DCHS2: variants seen among roughly 807,000 people sequenced by gnomAD.
The protein encoded by DCHS2 is protocadherin-23.
In DCHS2, 142 loss-of-function variants were observed where a neutral mutation model predicts 182.4. The observed-to-expected ratio is 0.78, with a 90% CI of 0.68 to 0.89. DCHS2 has a LOEUF of 0.89. Among genes scored for constraint, DCHS2 ranks in the 40% least tolerant of loss-of-function variants. DCHS2 has a pLI of 0.00. For synonymous variants in DCHS2, 1,740 were observed against 1,663.3 expected (o/e 1.05, Z -1.12); for missense variants, 4,319 against 4,198.6 (o/e 1.03, Z -0.79).
chr4:154,489,106 A>G (rs1453334860), intron 1 of DCHS2, among the ~76,000 whole-genome samples, 198 bp downstream of exon 1: 2 of 129,624 alleles, frequency 1.5e-5, no homozygotes, highest in African/African-American at 2.8e-5. Flanking sequence ...CTTAGAGATC[A>G]TGTAGCCAAG....
chr4:154,244,496 G>A (rs1179408489), intron 16 of DCHS2, among the ~76,000 whole-genome samples: 1 of 152,182 alleles, frequency 6.6e-6, no homozygotes, highest in Non-Finnish European at 1.5e-5. Flanking sequence ...TTCAGAAGTG[G>A]AATTAGTCTC....
chr4:154,267,452 A>C (rs547140642), intron 14 of DCHS2, among the ~76,000 whole-genome samples: 24 of 152,234 alleles, frequency 1.6e-4, no homozygotes, highest in Non-Finnish European at 2.6e-4. Flanking sequence ...AACTTCTGGA[A>C]TGAAGCACTG....
chr4:154,448,164 G>C (rs1169621397), intron 1 of DCHS2, among the ~76,000 whole-genome samples: 1 of 152,078 alleles, frequency 6.6e-6, no homozygotes, highest in African/African-American at 2.4e-5. Context: ...CCACATCTCA[G>C]GTGCTCCTTT....
At chr4:154,406,648 GT>G (rs1732414429) in intron 1 of DCHS2, among the ~76,000 whole-genome samples, 1 of 152,174 alleles carries the variant, frequency 6.6e-6, no homozygotes, top group East Asian at 1.9e-4. Flanking sequence ...CTCCAGGAAA[GT>G]TTTTTGGAAT....
intron 3 of DCHS2, among the ~76,000 whole-genome samples, chr4:154,339,207 T>C (rs2111379953): frequency 6.6e-6 from 1 of 152,328 alleles, no homozygotes; most frequent in East Asian, 1.9e-4. Context: ...GAGACTGATG[T>C]CTCAGCTCAA....
At chr4:154,316,102 TA>T in intron 9 of DCHS2, 115 bp from the exon 10 acceptor site, 1 of 1,460,202 alleles carries the variant, frequency 6.8e-7, no homozygotes, top group Non-Finnish European at 9.1e-7. Flanking sequence ...TCTTAACTGC[TA>T]AAATATGAAC....
intron 13 of DCHS2, among the ~76,000 whole-genome samples, chr4:154,293,067 T>A (rs1734737392): frequency 6.6e-6 from 1 of 152,202 alleles, no homozygotes; most frequent in Non-Finnish European, 1.5e-5. Flanking sequence ...GATTTTCTTC[T>A]CAGCCCTCCC....
chr4:154,317,185 A>G (rs916929475), intron 9 of DCHS2, among the ~76,000 whole-genome samples: 4 of 152,218 alleles, frequency 2.6e-5, no homozygotes, highest in African/African-American at 9.6e-5. Context: ...ATGTCTTTGA[A>G]AAACATCTCC....
At position 154,489,840 on chromosome 4, in the gene DCHS2, C is replaced by T. The variant is rs1728730301; in HGVS notation, c.1516G>A (p.Glu506Lys). 6.5e-7 allele frequency: 1 copy of T among 1,549,936 alleles called. No individual in the cohort carries two copies. Among genetic ancestry groups the T allele is most frequent in the Non-Finnish European group, 8.7e-7 (1 of 1,145,708 alleles). The stretch of plus-strand genomic sequence containing the variant: ...GCGTCCGTGGCCACCAGTAGTAACT[C>T]ATACAGATCGCGGCTCTCTCTGTCC... Reference protein sequence around the residue: ...PLDRESRDLYELLLVATDAGS... With the variant: ...PLDRESRDLYKLLLVATDAGS... The change falls in exon 1 of 20, where the codon GAG becomes AAG. Residue 506 changes from glutamate (E) to lysine (K), a missense_variant. By Grantham distance (56) the Glu-to-Lys change is moderately conservative. Transcript: ENST00000357232.
chr4:154,315,765 G>T lies in DCHS2; in HGVS notation c.5243C>A (p.Ala1748Asp), dbSNP rs745437953. 272 of 1,613,828 alleles carry T rather than the reference G, an allele frequency of 1.7e-4. No individual in the cohort carries two copies. The highest frequency in any genetic ancestry group is 2.2e-4 in the Non-Finnish European group (258 of 1,179,966). Residue 1748 changes from alanine (A) to aspartate (D), a missense_variant, in exon 10 of 20, where the codon GCT becomes GAT. By Grantham distance (126) the Ala-to-Asp change is moderately radical. Coordinates refer to ENST00000357232, the MANE Select transcript of DCHS2 (RefSeq NM_001358235.2). ...TAAATTACCTGAATCTCTGTCCAGA[G>T]CTTCAACCCTGGTAACAAACTCCCC... ...NPGEFVTRVE[A>D]LDRDSGVNSK...
intron 1 of DCHS2, among the ~76,000 whole-genome samples, chr4:154,445,299 T>A (rs1010254565): frequency 6.6e-6 from 1 of 152,216 alleles, no homozygotes; most frequent in Non-Finnish European, 1.5e-5. Flanking sequence ...ATCAATCTTG[T>A]CTTCATGCTC....
At chr4:154,268,228 T>C (rs571107195) in intron 14 of DCHS2, among the ~76,000 whole-genome samples, 32 of 145,236 alleles carry the variant, frequency 2.2e-4, no homozygotes, top group African/African-American at 8.0e-4. Flanking sequence ...CACCTTTCAC[T>C]TTCCCCCCCC....
At chr4:154,349,474 A>G (rs1561060547) in intron 3 of DCHS2, among the ~76,000 whole-genome samples, 1 of 152,170 alleles carries the variant, frequency 6.6e-6, no homozygotes, top group Non-Finnish European at 1.5e-5. Context: ...GACTTCCTAT[A>G]AATTTTATTT....
intron 16 of DCHS2, among the ~76,000 whole-genome samples, chr4:154,253,442 C>T (rs1732486501): frequency 6.6e-6 from 1 of 152,090 alleles, no homozygotes. Flanking sequence ...AACACTGTAA[C>T]AGAAAGTCCT....
At chr4:154,335,966 G>C (rs955938025) in intron 3 of DCHS2, among the ~76,000 whole-genome samples, 1 of 152,158 alleles carries the variant, frequency 6.6e-6, no homozygotes, top group African/African-American at 2.4e-5. Flanking sequence ...CTAGCGCAGG[G>C]TTGTAGGGTG....
intron 1 of DCHS2, among the ~76,000 whole-genome samples, chr4:154,409,516 G>T (rs2110888452): frequency 6.6e-6 from 1 of 152,212 alleles, no homozygotes; most frequent in Admixed American, 6.5e-5. Flanking sequence ...GCTACAACCT[G>T]GCCTCCTGAG....
intron 3 of DCHS2, among the ~76,000 whole-genome samples, chr4:154,353,660 T>G (rs1182212661): frequency 6.6e-6 from 1 of 152,204 alleles, no homozygotes; most frequent in East Asian, 1.9e-4. Context: ...TCCCTTGGAC[T>G]TTTCCAGTGG....
intron 4 of DCHS2, 34 bp from the exon 5 acceptor site, chr4:154,333,528 CA>C: frequency 6.4e-7 from 1 of 1,568,466 alleles, no homozygotes; most frequent in Non-Finnish European, 8.7e-7. Context: ...CACTGTATGT[CA>C]AAAGGGTGGA....
chr4:154,365,656 T>C (rs573373015), intron 3 of DCHS2, among the ~76,000 whole-genome samples: 188 of 151,442 alleles, frequency 1.2e-3, no homozygotes, highest in African/African-American at 4.3e-3. Context: ...CAGTACTTTT[T>C]TTTTTCTTTT....
Sources: allele counts gnomAD v4.1 joint callset (sites outside exome capture counted in the v4.1 genomes callset), GRCh38; gene constraint gnomAD v4.1.1; transcripts MANE v1.5; gene names NCBI Gene and HGNC (gene_info 2026-07-23, HGNC 2026-07-21).